Variants in NUP35 observed in about 807,000 individuals in gnomAD.
The protein encoded by NUP35 is nucleoporin NUP35.
A neutral mutation model predicts 41.5 loss-of-function variants in NUP35; 25 were observed. The ratio of observed to expected loss-of-function variants is 0.60; its 90% confidence interval spans 0.44 to 0.84. The LOEUF (loss-of-function observed/expected upper bound fraction) is 0.84. Among genes scored for constraint, NUP35 ranks in the 40% least tolerant of loss-of-function variants. NUP35 has a pLI of 0.00. For missense variants in NUP35, 396 were observed against 396.6 expected, an observed-to-expected ratio of 1.00 and a Z score of 0.01; for synonymous variants, 149 against 130.7, an observed-to-expected ratio of 1.14 and a Z score of -0.96.
At chr2:183,128,155 C>A in intron 1 of NUP35, 132 bp from the exon 2 acceptor site, 1 of 497,788 alleles carries the variant, frequency 2.0e-6, no homozygotes. Context: ...ATAAATTCAA[C>A]TATGGTTCTA....
intron 4 of NUP35, among the ~76,000 whole-genome samples, chr2:183,134,655 G>A (rs150564215): frequency 0.01 from 1,516 of 151,264 alleles, 32 homozygotes; most frequent in African/African-American, 0.035. Context: ...TTGGTCTGTC[G>A]CCCAGGTTAG....
chr2:183,133,162 A>G (rs10497622), intron 3 of NUP35, among the ~76,000 whole-genome samples: 45,011 of 151,968 alleles, frequency 0.3, 7,107 homozygotes, highest in Middle Eastern at 0.38. Context: ...ATAGTGTTTC[A>G]TGGTTTCTAA....
At chr2:183,134,870 C>T (rs141872637) in intron 4 of NUP35, among the ~76,000 whole-genome samples, 8,146 of 151,916 alleles carry the variant, frequency 0.054, 280 homozygotes, top group Middle Eastern at 0.082. Context: ...GTGATCTACC[C>T]ACCTCGGCCT....
At chr2:183,148,253 T>C (rs1685347352) in intron 4 of NUP35, among the ~76,000 whole-genome samples, 1 of 152,258 alleles carries the variant, frequency 6.6e-6, no homozygotes, top group South Asian at 2.1e-4. Flanking sequence ...TTGTGAATAG[T>C]GCTGTGATAA....
chr2:183,123,797 G>T (rs1313615364), upstream of NUP35: 2 of 985,374 alleles, frequency 2.0e-6, no homozygotes, highest in Non-Finnish European at 2.4e-6. Flanking sequence ...GCAGAAGCAC[G>T]CAAGATTCCG....
At chr2:183,154,249 C>G (rs1012366632) in intron 5 of NUP35, among the ~76,000 whole-genome samples, 1 of 152,210 alleles carries the variant, frequency 6.6e-6, no homozygotes, top group African/African-American at 2.4e-5. Context: ...TCCCCATGCT[C>G]TTGGGCATTA....
chr2:183,161,070 A>G lies in NUP35; in HGVS notation c.920A>G (p.Gln307Arg). ...TTTTAATAGGTTATTTCTGACAGAC[A>G]AACGCCAAAAAAAGATGAAAGTCTT... ...TSDYQVISDRQTPKKDESLVS... is the reference protein window; with the variant it reads ...TSDYQVISDRRTPKKDESLVS... The change falls in exon 9 of 9, where the codon CAA becomes CGA. Residue 307 changes from glutamine (Q) to arginine (R), a missense_variant. Transcript: ENST00000295119. The G allele has an allele frequency of 6.2e-7, 1 of 1,613,200 alleles. No homozygotes were observed. Among genetic ancestry groups the G allele is most frequent in the Non-Finnish European group, 8.5e-7 (1 of 1,179,354 alleles).
intron 1 of NUP35, 22 bp from the exon 2 acceptor site, chr2:183,128,261 CTTAA>C (rs917858981): frequency 1.5e-5 from 23 of 1,517,036 alleles, no homozygotes; most frequent in Middle Eastern, 1.8e-4. Flanking sequence ...CAGAAAAGTC[CTTAA>C]TTTATTTTTT....
upstream of NUP35, among the ~76,000 whole-genome samples, chr2:183,119,605 T>C (rs985520936): frequency 3.9e-5 from 6 of 151,952 alleles, no homozygotes; most frequent in Non-Finnish European, 7.4e-5. Flanking sequence ...CACAAGAGAA[T>C]GAGGGTTTTC....
chr2:183,127,611 A>C (rs955074779), intron 1 of NUP35, among the ~76,000 whole-genome samples: 1 of 152,230 alleles, frequency 6.6e-6, no homozygotes, highest in Admixed American at 6.5e-5. Flanking sequence ...ACAATTTAGC[A>C]AGCTTAACCC....
At chr2:183,151,831 C>A (rs1460268286) in intron 5 of NUP35, among the ~76,000 whole-genome samples, 182 bp downstream of exon 5, 1 of 152,138 alleles carries the variant, frequency 6.6e-6, no homozygotes, top group Non-Finnish European at 1.5e-5. Context: ...TCAATTCATT[C>A]TTTTTGTTGG....
chr2:183,133,201 C>A (rs1335183655), intron 3 of NUP35, among the ~76,000 whole-genome samples: 1 of 151,920 alleles, frequency 6.6e-6, no homozygotes, highest in Admixed American at 6.6e-5. Context: ...ATTTTGTCAC[C>A]CTTCTGTTTT....
At chr2:183,142,375 A>G (rs1419582675) in intron 4 of NUP35, among the ~76,000 whole-genome samples, 2 of 149,910 alleles carry the variant, frequency 1.3e-5, no homozygotes, top group African/African-American at 4.9e-5. Context: ...AGAGATTTCT[A>G]ATTATTGTTT....
At chr2:183,142,305 T>C (rs1007463227) in intron 4 of NUP35, among the ~76,000 whole-genome samples, 13 of 152,206 alleles carry the variant, frequency 8.5e-5, no homozygotes, top group Admixed American at 6.5e-5. Context: ...GATAATTGCT[T>C]TCTCTCTGCT....
At chr2:183,131,282 A>G (rs1468401515) in intron 3 of NUP35, 1 of 159,158 alleles carries the variant, frequency 6.3e-6, no homozygotes, top group African/African-American at 2.4e-5. Flanking sequence ...GTAGCTTCAT[A>G]GACACAAGTG....
chr2:183,147,834 C>T (rs146670346), intron 4 of NUP35, among the ~76,000 whole-genome samples: 114 of 151,936 alleles, frequency 7.5e-4, no homozygotes, highest in African/African-American at 2.4e-3. Context: ...GTGTCATCTG[C>T]GATTTCTTTC....
chr2:183,131,005 A>G lies in NUP35; in HGVS notation c.339+460A>G, dbSNP rs1382634802. On this transcript the variant is annotated intron_variant, in intron 3 of 8. Coordinates refer to ENST00000295119, the MANE Select transcript of NUP35 (RefSeq NM_138285.5). Reference sequence around the variant, plus strand: ...TTCTTCTTTTTTTAGGGTCCCCAACAGGGTCCTGATCAGTTGCCCAGGCTA... The same window carrying G: ...TTCTTCTTTTTTTAGGGTCCCCAACGGGGTCCTGATCAGTTGCCCAGGCTA... 6 of 962,752 alleles carry G rather than the reference A, an allele frequency of 6.2e-6. No homozygotes were observed. The East Asian group carries it at 1.8e-4, about 29-fold the overall frequency. 59.6% of individuals were successfully genotyped at this position (962,752 alleles called of 1,614,324 possible).
At chr2:183,133,423 A>T in intron 3 of NUP35, 143 bp from the exon 4 acceptor site, 1 of 566,434 alleles carries the variant, frequency 1.8e-6, no homozygotes, top group Non-Finnish European at 3.0e-6. Flanking sequence ...TATGGGGAAA[A>T]AAGAGTGCCT....
chr2:183,156,654 T>A (rs1254609159), intron 5 of NUP35, among the ~76,000 whole-genome samples: 3 of 152,070 alleles, frequency 2.0e-5, no homozygotes, highest in Non-Finnish European at 4.4e-5. Flanking sequence ...CTCACATAGA[T>A]TTTTAATGTG....
Sources: allele counts gnomAD v4.1 joint callset (sites outside exome capture counted in the v4.1 genomes callset), GRCh38; gene constraint gnomAD v4.1.1; transcripts MANE v1.5; gene names NCBI Gene and HGNC (gene_info 2026-07-23, HGNC 2026-07-21).